The following CD86 variants were observed in gnomAD, a reference collection of about 807,000 sequenced individuals.
CD86 encodes T-lymphocyte activation antigen CD86.
Under a neutral mutation model 32.1 loss-of-function variants are expected in CD86, and 11 were observed. That is an observed-to-expected ratio of 0.34 (90% confidence interval 0.22 to 0.57). The LOEUF is 0.57. CD86 is among the 20% of genes least tolerant of loss of function. The pLI is 0.86. For missense variants in CD86, 359 were observed against 398.4 expected, an observed-to-expected ratio of 0.90 and a Z score of 0.84; for synonymous variants, 137 against 135.3, an observed-to-expected ratio of 1.01 and a Z score of -0.09.
At chr3:122,087,562 T>C (rs1006460002) in intron 1 of CD86, among the ~76,000 whole-genome samples, 2 of 152,216 alleles carry the variant, frequency 1.3e-5, no homozygotes, top group African/African-American at 4.8e-5. Flanking sequence ...GGGGCACTTG[T>C]ACTTCATGAA....
intron 5 of CD86, among the ~76,000 whole-genome samples, chr3:122,116,821 T>C (rs1491002673): frequency 1.3e-5 from 2 of 152,178 alleles, no homozygotes; most frequent in Non-Finnish European, 2.9e-5. Context: ...ATTTCATGTA[T>C]ATGAAATTTG....
intron 1 of CD86, among the ~76,000 whole-genome samples, chr3:122,081,608 G>A (rs977245086): frequency 3.9e-5 from 6 of 152,214 alleles, no homozygotes; most frequent in Non-Finnish European, 7.3e-5. Context: ...ATTGTTAAAG[G>A]AAGACAGCGT....
In CD86 at chr3:122,106,429, C is replaced by G; in HGVS notation, c.632C>G (p.Thr211Arg). The change falls in exon 4 of 7, where the codon ACG (threonine) becomes AGG (arginine). Residue 211 changes from threonine (T) to arginine (R), a missense_variant. By Grantham distance (71) the Thr-to-Arg change is moderately conservative. Coordinates refer to ENST00000330540, the MANE Select transcript of CD86 (RefSeq NM_175862.5). ...TTGTCTGTTTCATTCCCTGATGTTACGAGCAATATGACCATCTTCTGTATT... is the reference window on the plus strand; with the variant it reads ...TTGTCTGTTTCATTCCCTGATGTTAGGAGCAATATGACCATCTTCTGTATT... Reference protein sequence around the residue: ...ISLSVSFPDVTSNMTIFCILE... With the variant: ...ISLSVSFPDVRSNMTIFCILE... 1.2e-6 allele frequency: 2 copies of G among 1,614,000 alleles called. No homozygotes were observed. The highest frequency in any genetic ancestry group is 8.5e-7 in the Non-Finnish European group (1 of 1,179,900).
chr3:122,093,367 C>T (rs1441202501), intron 2 of CD86, among the ~76,000 whole-genome samples: 1 of 152,102 alleles, frequency 6.6e-6, no homozygotes, highest in Non-Finnish European at 1.5e-5. Context: ...AGTCATGAAT[C>T]GTTTAACAAC....
chr3:122,074,275 C>A (rs985915927), intron 1 of CD86, among the ~76,000 whole-genome samples: 1 of 152,124 alleles, frequency 6.6e-6, no homozygotes, highest in East Asian at 1.9e-4. Flanking sequence ...GACAACCATC[C>A]CCTGCCCTCC....
intron 1 of CD86, among the ~76,000 whole-genome samples, chr3:122,072,347 C>G (rs1050296027): frequency 6.6e-6 from 1 of 151,324 alleles, no homozygotes; most frequent in African/African-American, 2.4e-5. Context: ...GTCCCACCAA[C>G]AGTGTAAAAG....
Position 122,119,985 on chromosome 3 carries a change from G to A in CD86, c.*451G>A. On this transcript the variant is annotated 3_prime_UTR_variant, in exon 7 of 7. Transcript: ENST00000330540. ...ACTAAACAACTACCTCCTCAGTCTG[G>A]GTGGGACTTATGTATTTATGACCTT... 5.9e-6 allele frequency: 1 copy of A among 170,514 alleles called. No homozygotes were observed. Among genetic ancestry groups the A allele is most frequent in the South Asian group, 1.7e-4 (1 of 6,002 alleles). 10.6% of individuals were successfully genotyped at this position (170,514 alleles called of 1,614,324 possible).
At chr3:122,086,450 C>A in intron 1 of CD86, 1 of 388,434 alleles carries the variant, frequency 2.6e-6, no homozygotes, top group South Asian at 1.9e-5. Context: ...GAATGAGAGC[C>A]CACATGCTCC....
At chr3:122,098,912 AGAG>A (rs972340439) in intron 2 of CD86, among the ~76,000 whole-genome samples, 4 of 152,178 alleles carry the variant, frequency 2.6e-5, no homozygotes, top group African/African-American at 4.8e-5. Context: ...TCCTTGAGAT[AGAG>A]TAGAGGAAGG....
chr3:122,073,562 T>G (rs183582022), intron 1 of CD86, among the ~76,000 whole-genome samples: 39 of 152,244 alleles, frequency 2.6e-4, no homozygotes, highest in African/African-American at 9.1e-4. Context: ...AAAATAAAAA[T>G]TTATTGCAAA....
At chr3:122,055,590 T>C in intron 1 of CD86, 87 bp downstream of exon 1, 1 of 1,212,840 alleles carries the variant, frequency 8.2e-7, no homozygotes, top group Non-Finnish European at 1.2e-6. Context: ...CTTTGATGTG[T>C]GTCCTTCACT....
chr3:122,080,475 G>C (rs1168658500), intron 1 of CD86, among the ~76,000 whole-genome samples: 1 of 152,104 alleles, frequency 6.6e-6, no homozygotes, highest in Non-Finnish European at 1.5e-5. Flanking sequence ...AGGCCAGTGA[G>C]GGGAACGCAT....
chr3:122,102,867 TC>T (rs2073032501), intron 2 of CD86, among the ~76,000 whole-genome samples: 2 of 152,152 alleles, frequency 1.3e-5, no homozygotes, highest in African/African-American at 4.8e-5. Context: ...GCATTTGACA[TC>T]CTTGGAAGTG....
intron 1 of CD86, among the ~76,000 whole-genome samples, chr3:122,062,873 A>C (rs530402672): frequency 6.6e-6 from 1 of 152,174 alleles, no homozygotes; most frequent in African/African-American, 2.4e-5. Flanking sequence ...ATTATTTCCT[A>C]TATTTTTAAT....
intron 1 of CD86, among the ~76,000 whole-genome samples, chr3:122,081,313 C>T (rs1280066249): frequency 1.3e-5 from 2 of 152,048 alleles, no homozygotes; most frequent in South Asian, 2.1e-4. Context: ...CTCAGAAAGT[C>T]GTCAAAGAAT....
intron 1 of CD86, among the ~76,000 whole-genome samples, chr3:122,089,697 G>A (rs2031224581): frequency 1.3e-5 from 2 of 152,188 alleles, no homozygotes; most frequent in African/African-American, 4.8e-5. Flanking sequence ...CTGCTTCTAG[G>A]AATATAGCTT....
intron 1 of CD86, among the ~76,000 whole-genome samples, chr3:122,063,901 G>A (rs1467568449): frequency 6.6e-6 from 1 of 152,158 alleles, no homozygotes. Flanking sequence ...AGAAGCCGGT[G>A]TTTTAATTGA....
At chr3:122,095,715 C>T (rs2072897258) in intron 2 of CD86, among the ~76,000 whole-genome samples, 1 of 152,058 alleles carries the variant, frequency 6.6e-6, no homozygotes, top group Admixed American at 6.5e-5. Context: ...GGATTCACCC[C>T]TTTATGTTAA....
chr3:122,055,439 C>G lies in CD86; in HGVS notation c.-51C>G. On this transcript the variant is annotated 5_prime_UTR_variant, in exon 1 of 7. Coordinates refer to ENST00000330540, the MANE Select transcript of CD86 (RefSeq NM_175862.5). ...TGTAACAGGGACTAGCACAGACACA[C>G]GGATGAGTGGGGTCATTTCCAGATA... The G allele has an allele frequency of 6.3e-7, 1 of 1,596,386 alleles. No individual in the cohort carries two copies. Among genetic ancestry groups the G allele is most frequent in the Non-Finnish European group, 8.6e-7 (1 of 1,163,862 alleles).
Sources: allele counts gnomAD v4.1 joint callset (sites outside exome capture counted in the v4.1 genomes callset), GRCh38; gene constraint gnomAD v4.1.1; transcripts MANE v1.5; gene names NCBI Gene and HGNC (gene_info 2026-07-23, HGNC 2026-07-21).